CDK14: variants seen among roughly 807,000 people sequenced by gnomAD.
CDK14 encodes cyclin dependent kinase 14.
A neutral mutation model predicts 60.7 loss-of-function variants in CDK14; 34 were observed. The observed-to-expected ratio is 0.56, with a 90% CI of 0.43 to 0.75. The LOEUF (loss-of-function observed/expected upper bound fraction) is 0.75. CDK14 is among the 30% of genes least tolerant of loss of function. CDK14 has a pLI of 0.00. For missense variants in CDK14, 482 were observed against 564.1 expected, an observed-to-expected ratio of 0.85 and a Z score of 1.47; for synonymous variants, 197 against 203.7, an observed-to-expected ratio of 0.97 and a Z score of 0.28.
intron 8 of CDK14, among the ~76,000 whole-genome samples, chr7:90,919,714 A>C (rs1054506052): frequency 6.6e-6 from 1 of 152,204 alleles, no homozygotes; most frequent in African/African-American, 2.4e-5. Flanking sequence ...AGATTGACAA[A>C]ATCATTTGTA....
At chr7:91,190,074 GA>G (rs1210607102) in intron 14 of CDK14, among the ~76,000 whole-genome samples, 1 of 152,196 alleles carries the variant, frequency 6.6e-6, no homozygotes, top group Non-Finnish European at 1.5e-5. Context: ...AAATAGACAT[GA>G]CAGACATTGT....
At chr7:90,899,374 G>A in intron 7 of CDK14, 21 bp downstream of exon 7, 1 of 1,578,454 alleles carries the variant, frequency 6.3e-7, no homozygotes, top group Non-Finnish European at 8.6e-7. Flanking sequence ...ATCTTTTTAA[G>A]CCAAAGGTTA....
intron 10 of CDK14, among the ~76,000 whole-genome samples, chr7:91,021,457 A>G (rs1435991554): frequency 1.3e-5 from 2 of 152,216 alleles, no homozygotes; most frequent in Non-Finnish European, 2.9e-5. Context: ...TTTATTATCT[A>G]CAAAATGTGA....
At chr7:90,704,393 T>C (rs145962301) in intron 2 of CDK14, among the ~76,000 whole-genome samples, 1 of 152,308 alleles carries the variant, frequency 6.6e-6, no homozygotes, top group African/African-American at 2.4e-5. Flanking sequence ...ACAGCATCCA[T>C]TGTATGCAAA....
intron 8 of CDK14, among the ~76,000 whole-genome samples, chr7:90,919,376 A>G (rs1294038045): frequency 6.6e-6 from 1 of 152,112 alleles, no homozygotes; most frequent in Non-Finnish European, 1.5e-5. Context: ...TGATGTTTTC[A>G]TTGTAGTAGG....
At chr7:90,899,222 G>A in intron 6 of CDK14, 69 bp from the exon 7 acceptor site, 5 of 1,263,174 alleles carry the variant, frequency 4.0e-6, no homozygotes, top group Non-Finnish European at 3.3e-6. Flanking sequence ...TGAGTTTGAA[G>A]TAGGAAAATA....
intron 2 of CDK14, among the ~76,000 whole-genome samples, chr7:90,718,094 A>T (rs538227480): frequency 6.6e-6 from 1 of 152,220 alleles, no homozygotes; most frequent in East Asian, 1.9e-4. Context: ...AGTGACAATG[A>T]TATAAGGGCA....
At chr7:90,859,260 A>T (rs1350855954) in intron 5 of CDK14, among the ~76,000 whole-genome samples, 2 of 152,212 alleles carry the variant, frequency 1.3e-5, no homozygotes, top group African/African-American at 4.8e-5. Context: ...ATAAAAGTTT[A>T]TATTTGGATT....
intron 6 of CDK14, among the ~76,000 whole-genome samples, chr7:90,888,202 T>G (rs1447609829): frequency 2.6e-5 from 4 of 151,860 alleles, no homozygotes; most frequent in Non-Finnish European, 5.9e-5. Flanking sequence ...ATACAAAAAT[T>G]AGCTGGGCAT....
chr7:90,612,469 C>G (rs1303763190), intron 2 of CDK14, among the ~76,000 whole-genome samples: 1 of 152,092 alleles, frequency 6.6e-6, no homozygotes, highest in Non-Finnish European at 1.5e-5. Flanking sequence ...ATCTCACTCT[C>G]TCTTATAGTA....
chr7:90,959,586 C>T (rs1417560564), intron 9 of CDK14, among the ~76,000 whole-genome samples: 1 of 152,058 alleles, frequency 6.6e-6, no homozygotes, highest in Admixed American at 6.6e-5. Context: ...TCTTACAGTT[C>T]ATTTATCAGC....
intron 7 of CDK14, among the ~76,000 whole-genome samples, chr7:90,912,430 A>G (rs549327952): frequency 2.0e-5 from 3 of 152,248 alleles, no homozygotes; most frequent in South Asian, 2.1e-4. Context: ...TTCAGCATCA[A>G]CCTCATTTAA....
chr7:90,869,719 A>ATTGTG (rs1656219015), intron 6 of CDK14, among the ~76,000 whole-genome samples: 2 of 152,280 alleles, frequency 1.3e-5, no homozygotes, highest in South Asian at 4.1e-4. Context: ...CTGGATATAC[A>ATTGTG]TTGTGTGGCC....
chr7:90,626,409 G>T (rs1183566939), intron 2 of CDK14, among the ~76,000 whole-genome samples: 1 of 152,168 alleles, frequency 6.6e-6, no homozygotes, highest in Non-Finnish European at 1.5e-5. Context: ...TTAAAATGAA[G>T]AGATCAATAC....
intron 2 of CDK14, among the ~76,000 whole-genome samples, chr7:90,656,466 G>A (rs1282289051): frequency 6.7e-6 from 1 of 148,374 alleles, no homozygotes; most frequent in African/African-American, 2.5e-5. Flanking sequence ...TGCAACCTTT[G>A]CCTCACAGGT....
intron 14 of CDK14, among the ~76,000 whole-genome samples, chr7:91,149,422 A>G (rs1458962730): frequency 1.3e-5 from 2 of 152,086 alleles, no homozygotes; most frequent in African/African-American, 4.8e-5. Context: ...TGGAATTCCA[A>G]GTGTGGAAGC....
At chr7:90,844,829 A>T (rs1790412417) in intron 5 of CDK14, among the ~76,000 whole-genome samples, 1 of 152,158 alleles carries the variant, frequency 6.6e-6, no homozygotes, top group Non-Finnish European at 1.5e-5. Context: ...ACAAGAATGT[A>T]TTGTCTCACA....
At chr7:90,743,240 A>G (rs750460085) in intron 3 of CDK14, among the ~76,000 whole-genome samples, 1 of 152,142 alleles carries the variant, frequency 6.6e-6, no homozygotes, top group Non-Finnish European at 1.5e-5. Flanking sequence ...GCAAATTAAT[A>G]TATCTATCAT....
intron 6 of CDK14, among the ~76,000 whole-genome samples, chr7:90,866,231 C>CTT (rs1243882724): frequency 3.6e-5 from 4 of 109,720 alleles, no homozygotes; most frequent in Admixed American, 2.1e-4. Flanking sequence ...CACACATACA[C>CTT]ATACACACAC....
Sources: allele counts gnomAD v4.1 joint callset (sites outside exome capture counted in the v4.1 genomes callset), GRCh38; gene constraint gnomAD v4.1.1; transcripts MANE v1.5; gene names NCBI Gene and HGNC (gene_info 2026-07-23, HGNC 2026-07-21).